The following KDM4C variants were observed in gnomAD, a reference collection of about 807,000 sequenced individuals.
KDM4C encodes the protein lysine-specific demethylase 4C.
Under a neutral mutation model 129.3 loss-of-function variants are expected in KDM4C, and 81 were observed. The observed-to-expected ratio is 0.63, with a 90% confidence interval of 0.52 to 0.75. The LOEUF (loss-of-function observed/expected upper bound fraction) is 0.75. KDM4C is among the 30% of genes least tolerant of loss of function. The pLI is 0.00. For missense variants in KDM4C, 1,457 were observed against 1,304.0 expected (o/e 1.12, Z -1.81); for synonymous variants, 573 against 456.1 (o/e 1.26, Z -3.26).
At chr9:6,826,177 G>T (rs897469527) in intron 4 of KDM4C, among the ~76,000 whole-genome samples, 24 of 143,958 alleles carry the variant, frequency 1.7e-4, no homozygotes, top group Non-Finnish European at 3.5e-4. Flanking sequence ...CTGGGGAAAA[G>T]TTTTTTTTTT....
At chr9:6,893,531 A>G (rs1443312379) in intron 8 of KDM4C, 1 of 203,842 alleles carries the variant, frequency 4.9e-6, no homozygotes, top group African/African-American at 2.3e-5. Flanking sequence ...AAGATTTTCC[A>G]GTGGCATCAT....
intron 17 of KDM4C, among the ~76,000 whole-genome samples, chr9:7,049,756 A>G (rs1160699018): frequency 6.6e-6 from 1 of 152,154 alleles, no homozygotes; most frequent in Non-Finnish European, 1.5e-5. Context: ...GTTTCTGTTA[A>G]GAGCATTTTT....
intron 8 of KDM4C, among the ~76,000 whole-genome samples, chr9:6,972,574 T>A (rs1563912724): frequency 1.3e-5 from 2 of 152,312 alleles, no homozygotes; most frequent in East Asian, 3.9e-4. Context: ...TAAAAGACTG[T>A]TAAATATTTT....
chr9:7,170,624 GA>G (rs1411774932), intron 21 of KDM4C: 19 of 956,162 alleles, frequency 2.0e-5, no homozygotes, highest in Non-Finnish European at 2.1e-5. Context: ...TATTCATTTA[GA>G]ATTATATCTA....
upstream of KDM4C, chr9:6,757,555 G>C (rs1305606781): frequency 2.2e-6 from 2 of 889,136 alleles, no homozygotes; most frequent in East Asian, 1.2e-4. Context: ...GGAGAGCTGC[G>C]AGCCCCGACT....
chr9:6,735,001 G>A, intron 1 of KDM4C: 1 of 542,294 alleles, frequency 1.8e-6, no homozygotes, highest in Non-Finnish European at 3.7e-6. Context: ...ATAGGGTTTG[G>A]GTATTACTGC....
At chr9:6,791,533 C>G (rs934472291) in intron 1 of KDM4C, among the ~76,000 whole-genome samples, 4 of 152,170 alleles carry the variant, frequency 2.6e-5, no homozygotes, top group Admixed American at 1.3e-4. Context: ...GGCGATTTTG[C>G]TGAATGGATG....
Position 6,984,319 on chromosome 9 carries a change from G to C in KDM4C, c.1269G>C (p.Arg423Ser). ...SEKSEAAVKL[R>S]NTEASSEEES... ...AGTCAGAAGCAGCAGTGAAGCTGAG[G>C]AACACAGAAGCATCTTCAGAAGAAG... Residue 423 changes from arginine (R) to serine (S), a missense_variant, in exon 10 of 22, where the codon AGG (arginine) becomes AGC (serine). Transcript: ENST00000381309. 6.2e-7 allele frequency: 1 copy of C among 1,614,046 alleles called. No homozygotes were observed. Among genetic ancestry groups the C allele is most frequent in the Non-Finnish European group, 8.5e-7 (1 of 1,179,940 alleles).
intron 8 of KDM4C, among the ~76,000 whole-genome samples, chr9:6,942,129 G>A (rs1826060424): frequency 6.6e-6 from 1 of 152,194 alleles, no homozygotes; most frequent in Non-Finnish European, 1.5e-5. Context: ...TGACCGCATT[G>A]TGTTTGGGTG....
rs778525702 is a variant in KDM4C, at chr9:7,011,758, C to G, written c.1847C>G (p.Pro616Arg). 6.2e-7 allele frequency: 1 copy of G among 1,614,136 alleles called. No individual in the cohort carries two copies. Among genetic ancestry groups the G allele is most frequent in the Non-Finnish European group, 8.5e-7 (1 of 1,180,006 alleles). The change falls in exon 13 of 22, where the codon CCT becomes CGT. Residue 616 changes from proline to arginine, a missense_variant. Physicochemically the swap from Pro to Arg is moderately radical, Grantham distance 103. Coordinates refer to ENST00000381309, the MANE Select transcript of KDM4C (RefSeq NM_015061.6). ...EVEETESWAK[P>R]LIHLWQTKSP... ...GAAGAAACAGAGTCTTGGGCGAAACCTCTCATCCACCTTTGGCAGACGAAG... is the reference window on the plus strand; with the variant it reads ...GAAGAAACAGAGTCTTGGGCGAAACGTCTCATCCACCTTTGGCAGACGAAG...
chr9:7,060,303 C>T (rs1197128125), intron 17 of KDM4C, among the ~76,000 whole-genome samples: 5 of 151,206 alleles, frequency 3.3e-5, no homozygotes, highest in African/African-American at 4.9e-5. Flanking sequence ...TACCTTGTTA[C>T]ATATTTGAGT....
At chr9:6,784,804 G>A (rs1336760199) in intron 1 of KDM4C, among the ~76,000 whole-genome samples, 1 of 152,204 alleles carries the variant, frequency 6.6e-6, no homozygotes, top group African/African-American at 2.4e-5. Context: ...TGCTTTCTAA[G>A]CTGGGGCCCA....
intron 8 of KDM4C, among the ~76,000 whole-genome samples, chr9:6,967,714 A>G (rs1476291446): frequency 1.3e-5 from 2 of 152,168 alleles, no homozygotes; most frequent in African/African-American, 4.8e-5. Context: ...TTTTCTCAAT[A>G]TGAGAACCAT....
chr9:7,065,799 A>T (rs908255569), intron 17 of KDM4C, among the ~76,000 whole-genome samples: 1 of 152,174 alleles, frequency 6.6e-6, no homozygotes, highest in Non-Finnish European at 1.5e-5. Context: ...TCACTTGTTG[A>T]TGCATTTAGT....
At chr9:6,988,148 C>T (rs1251657792) in intron 11 of KDM4C, among the ~76,000 whole-genome samples, 1 of 111,628 alleles carries the variant, frequency 9.0e-6, no homozygotes, top group Non-Finnish European at 1.7e-5. Context: ...GAGTGAGAGA[C>T]CCTGTCTCTT....
At chr9:7,074,986 G>A (rs1833728677) in intron 17 of KDM4C, among the ~76,000 whole-genome samples, 1 of 152,124 alleles carries the variant, frequency 6.6e-6, no homozygotes, top group Non-Finnish European at 1.5e-5. Flanking sequence ...TTTCATCCTT[G>A]AGAATGATGA....
intron 5 of KDM4C, among the ~76,000 whole-genome samples, chr9:6,854,525 CAAAAAAAAAAAAAA>C (rs1177446839): frequency 2.4e-5 from 1 of 41,384 alleles, no homozygotes; most frequent in African/African-American, 1.0e-4. Context: ...AACTCCGTCT[CAAAAAAAAAAAAAA>C]AAAAAACAAA....
chr9:6,969,382 A>T (rs1831547253), intron 8 of KDM4C, among the ~76,000 whole-genome samples: 1 of 152,240 alleles, frequency 6.6e-6, no homozygotes, highest in Non-Finnish European at 1.5e-5. Flanking sequence ...CAGCAATCTA[A>T]AAATCAAGCC....
At chr9:7,076,137 C>T (rs1348819827) in intron 17 of KDM4C, among the ~76,000 whole-genome samples, 1 of 152,084 alleles carries the variant, frequency 6.6e-6, no homozygotes, top group African/African-American at 2.4e-5. Flanking sequence ...TTGCCAGGCC[C>T]AGTTCTGGCC....
Sources: gnomAD v4.1 joint callset for allele counts (sites outside exome capture counted in the v4.1 genomes callset) on GRCh38, gnomAD v4.1.1 for gene constraint, MANE v1.5 for transcripts, NCBI Gene and HGNC (gene_info 2026-07-23, HGNC 2026-07-21) for gene names.